AMPH: variants seen among roughly 807,000 people sequenced by gnomAD.
AMPH encodes the protein amphiphysin (Stiff-Mann syndrome with breast cancer 128kD autoantigen).
In AMPH, 49 loss-of-function variants were observed where a neutral mutation model predicts 99.1. The ratio of observed to expected loss-of-function variants is 0.49; its 90% CI spans 0.39 to 0.63. The LOEUF (loss-of-function observed/expected upper bound fraction) is 0.63, where lower values mean the gene tolerates loss of function less well. AMPH is among the 20% of genes least tolerant of loss of function. The pLI, the probability that AMPH is intolerant of heterozygous loss-of-function variation, is 0.00. For synonymous variants in AMPH, 314 were observed against 317.3 expected (o/e 0.99, Z 0.11); for missense variants, 759 against 863.4 (o/e 0.88, Z 1.52).
chr7:38,480,889 C>A (rs1386208920), intron 5 of AMPH, among the ~76,000 whole-genome samples: 1 of 152,168 alleles, frequency 6.6e-6, no homozygotes, highest in Non-Finnish European at 1.5e-5. Context: ...CCTTTAATAT[C>A]TTCCAAGTAG....
intron 5 of AMPH, among the ~76,000 whole-genome samples, chr7:38,486,643 C>T (rs1027843646): frequency 1.3e-5 from 2 of 151,976 alleles, no homozygotes; most frequent in Non-Finnish European, 2.9e-5. Flanking sequence ...AACTACAGAC[C>T]AGTTTCGTGA....
At chr7:38,594,860 G>A (rs1339364327) in intron 1 of AMPH, among the ~76,000 whole-genome samples, 1 of 151,978 alleles carries the variant, frequency 6.6e-6, no homozygotes, top group Non-Finnish European at 1.5e-5. Context: ...TTTTTCAAAT[G>A]ATGATCTTAG....
chr7:38,483,774 G>A (rs376380443), intron 5 of AMPH, among the ~76,000 whole-genome samples: 1 of 152,052 alleles, frequency 6.6e-6, no homozygotes, highest in South Asian at 2.1e-4. Context: ...AGGGAAATAT[G>A]TTTCAAACAA....
At chr7:38,497,568 G>C (rs561241541) in intron 3 of AMPH, among the ~76,000 whole-genome samples, 1 of 152,238 alleles carries the variant, frequency 6.6e-6, no homozygotes, top group African/African-American at 2.4e-5. Flanking sequence ...AGTACTCCTT[G>C]CTTAAATAGC....
intron 15 of AMPH, among the ~76,000 whole-genome samples, chr7:38,424,740 A>G (rs1398154051): frequency 1.3e-5 from 2 of 152,196 alleles, no homozygotes; most frequent in Non-Finnish European, 2.9e-5. Context: ...AGTGGATGAA[A>G]AGAGACTCAG....
At chr7:38,631,228 C>T (rs914382169) in intron 1 of AMPH, 55 bp downstream of exon 1, 2 of 1,474,062 alleles carry the variant, frequency 1.4e-6, no homozygotes, top group African/African-American at 1.5e-5. Context: ...CGGTGCCCTC[C>T]GGCCAAGCCC....
rs2299944 is a variant in AMPH, at chr7:38,401,855, T to C, written c.1399-7641A>G. Among the ~76,000 whole-genome samples, 1,261 of 152,266 alleles carry C rather than the reference T, an allele frequency of 8.3e-3. 66 individuals are homozygous for C. The East Asian group carries it at 0.15, about 18-fold the overall frequency. On this transcript the variant is annotated intron_variant, in intron 17 of 20. Coordinates refer to ENST00000356264, the MANE Select transcript of AMPH (RefSeq NM_001635.4). ...TTCCATCAACTAGGAAAACTTCAGTTTGAGCATGTTTTTTTCTATTATACT... is the reference window on the plus strand; with the variant it reads ...TTCCATCAACTAGGAAAACTTCAGTCTGAGCATGTTTTTTTCTATTATACT...
At chr7:38,459,814 C>T (rs1296455173) in intron 11 of AMPH, among the ~76,000 whole-genome samples, 2 of 151,868 alleles carry the variant, frequency 1.3e-5, no homozygotes, top group Middle Eastern at 3.4e-3. Flanking sequence ...CTCAAAAGCA[C>T]AGATAACTAT....
At chr7:38,577,890 A>C (rs1245335013) in intron 1 of AMPH, among the ~76,000 whole-genome samples, 1 of 152,324 alleles carries the variant, frequency 6.6e-6, no homozygotes, top group South Asian at 2.1e-4. Flanking sequence ...GAATGAGTCA[A>C]GATAATACCT....
At position 38,391,889 on chromosome 7, in the gene AMPH, G is replaced by C; in HGVS notation, c.1737C>G (p.Ser579Arg). ...GCTCCGTAGCCAGCTCCGGTGTCTC[G>C]CTGGTGGGGCCCGGAGGAGCCGCGT... ...TEDAAPPGPT[S>R]ETPELATEQK... The change falls in exon 19 of 21, where the codon AGC (serine) becomes AGG (arginine). Residue 579 changes from serine to arginine, a missense_variant. Ser to Arg is a moderately radical substitution (Grantham distance 110). Transcript: ENST00000356264. The C allele has an allele frequency of 5.0e-6, 8 of 1,612,616 alleles. No individual in the cohort carries two copies. The highest frequency in any genetic ancestry group is 6.8e-6 in the Non-Finnish European group (8 of 1,179,718).
chr7:38,466,084 T>C, intron 8 of AMPH, 89 bp downstream of exon 8: 1 of 1,044,558 alleles, frequency 9.6e-7, no homozygotes, highest in Non-Finnish European at 1.4e-6. Flanking sequence ...GGTGAATTCT[T>C]TGGATAATTC....
At chr7:38,469,954 A>G (rs2129012044) in intron 7 of AMPH, among the ~76,000 whole-genome samples, 1 of 152,194 alleles carries the variant, frequency 6.6e-6, no homozygotes, top group East Asian at 1.9e-4. Context: ...GAGCTCCCTC[A>G]TTCATTCATT....
intron 19 of AMPH, 67 bp downstream of exon 19, chr7:38,391,681 C>A: frequency 6.5e-7 from 1 of 1,530,028 alleles, no homozygotes; most frequent in Admixed American, 2.1e-5. Context: ...AACTGGAAAA[C>A]CAAAGGCTTG....
In AMPH at chr7:38,406,722, CTCCCTTTCCCTCTCTCT is replaced by C. The variant is rs1562732366; in HGVS notation, c.1398+11086_1398+11102del. ...GAGTTCTCTCTCCTCTCCTCTCTCT[CTCCCTTTCCCTCTCTCT>C]CTCTCTCTCTCTCTCTCTCTCTCTC... On this transcript the variant is annotated intron_variant, in intron 17 of 20. Transcript: ENST00000356264. Among the ~76,000 whole-genome samples, 45 of 109,832 alleles carry C rather than the reference CTCCCTTTCCCTCTCTCT, an allele frequency of 4.1e-4. 1 individual carries two copies. In the East Asian group the frequency reaches 5.7e-3, roughly 14 times the overall value. 72.1% of individuals were successfully genotyped at this position (109,832 alleles called of 152,430 possible). A position where few individuals can be genotyped will look rare whatever the true frequency, so the allele number is the denominator to read the frequency against.
chr7:38,400,593 G>T (rs1396236951), intron 17 of AMPH, among the ~76,000 whole-genome samples: 4 of 152,232 alleles, frequency 2.6e-5, no homozygotes, highest in Non-Finnish European at 5.9e-5. Flanking sequence ...AGCCAGTCCT[G>T]CTATGAGATG....
intron 17 of AMPH, among the ~76,000 whole-genome samples, chr7:38,406,712 TCC>T (rs750731883): frequency 0.014 from 1,711 of 119,138 alleles, 19 homozygotes; most frequent in East Asian, 0.021. Context: ...CTCTCTCCTC[TCC>T]TCTCTCTCTC....
rs1422761483 is a variant in AMPH at position 38,605,229 on chromosome 7, G to A, written c.69+26054C>T. 2.6e-5 allele frequency among the ~76,000 whole-genome samples: 4 copies of A among 152,226 alleles called. 1 individual carries two copies. In the South Asian group the frequency reaches 6.2e-4, roughly 24 times the overall value. ...GACAAGAGAGGAAAGGTGAGGGGAC[G>A]AGGGGAACATGGGCTAAAGTTTGGG... On this transcript the variant is annotated intron_variant, in intron 1 of 20. Transcript: ENST00000356264.
At chr7:38,529,504 C>T (rs983544531) in intron 2 of AMPH, among the ~76,000 whole-genome samples, 2 of 152,174 alleles carry the variant, frequency 1.3e-5, no homozygotes, top group Non-Finnish European at 2.9e-5. Context: ...CCTGCTGTAC[C>T]ATCACCTTCC....
chr7:38,565,415 G>A (rs904820970), intron 1 of AMPH, among the ~76,000 whole-genome samples: 1 of 152,106 alleles, frequency 6.6e-6, no homozygotes, highest in Non-Finnish European at 1.5e-5. Context: ...GCCATCAACT[G>A]TTTCCTCAGG....
Sources: allele counts gnomAD v4.1 joint callset (sites outside exome capture counted in the v4.1 genomes callset), GRCh38; gene constraint gnomAD v4.1.1; transcripts MANE v1.5; gene names NCBI Gene and HGNC (gene_info 2026-07-23, HGNC 2026-07-21).